ADAMTSL3: variants seen among roughly 807,000 people sequenced by gnomAD.
ADAMTSL3 encodes the protein ADAMTS like 3.
In ADAMTSL3, 128 loss-of-function variants were observed where a neutral mutation model predicts 201.7. The observed-to-expected ratio is 0.63, with a 90% CI of 0.55 to 0.73. The LOEUF (loss-of-function observed/expected upper bound fraction) is 0.73, where lower values mean the gene tolerates loss of function less well. ADAMTSL3 is among the 30% of genes least tolerant of loss of function. The probability of loss-of-function intolerance (pLI) is 0.00; values close to 1 mark genes in which losing one functional copy is unlikely to be tolerated. For missense variants in ADAMTSL3, 1,990 were observed against 2,119.6 expected (o/e 0.94, Z 1.20); for synonymous variants, 738 against 748.4 (o/e 0.99, Z 0.23).
intron 21 of ADAMTSL3, 57 bp downstream of exon 21, chr15:83,983,401 C>A (rs2067424693): frequency 8.3e-7 from 1 of 1,203,554 alleles, no homozygotes; most frequent in African/African-American, 1.6e-5. Context: ...ATGGCTATTC[C>A]AGTTTTCTTG....
chr15:83,771,905 G>C (rs1411568129), intron 3 of ADAMTSL3, among the ~76,000 whole-genome samples: 2 of 150,266 alleles, frequency 1.3e-5, no homozygotes, highest in Admixed American at 6.6e-5. Flanking sequence ...CACCCAGCCT[G>C]GAGTGCAGTG....
chr15:83,655,583 T>A (rs1253829126), intron 1 of ADAMTSL3, 146 bp from the exon 2 acceptor site: 1 of 617,368 alleles, frequency 1.6e-6, no homozygotes, highest in Admixed American at 2.9e-5. Context: ...CACCCTGCAG[T>A]AGGCAGCGGC....
Position 83,851,618 on chromosome 15 carries a change from T to C in ADAMTSL3, c.728-7148T>C, listed in dbSNP as rs138611609. Among the ~76,000 whole-genome samples, 5 of 152,278 alleles carry C rather than the reference T, an allele frequency of 3.3e-5. No individual in the cohort carries two copies. The East Asian group carries it at 9.6e-4, about 29-fold the overall frequency. On this transcript the variant is annotated intron_variant, in intron 7 of 29. Coordinates refer to ENST00000286744, the MANE Select transcript of ADAMTSL3 (RefSeq NM_207517.3). ...TTTTTATTACATATATAATATGCTG[T>C]ATATGTGTTGTAAAAAAAATCCAGA...
At chr15:83,911,419 T>C (rs11259934) in intron 15 of ADAMTSL3, among the ~76,000 whole-genome samples, 95,387 of 152,100 alleles carry the variant, frequency 0.63, 31,006 homozygotes, top group African/African-American at 0.79. Context: ...TACCTAAACC[T>C]ATGTCCTTTT....
intron 6 of ADAMTSL3, among the ~76,000 whole-genome samples, chr15:83,837,116 A>C (rs966561601): frequency 4.6e-5 from 7 of 152,172 alleles, no homozygotes; most frequent in African/African-American, 1.7e-4. Context: ...GAAGGATAGC[A>C]GTATAAACAC....
intron 4 of ADAMTSL3, among the ~76,000 whole-genome samples, chr15:83,793,668 G>C (rs780813747): frequency 6.6e-6 from 1 of 152,050 alleles, no homozygotes; most frequent in Non-Finnish European, 1.5e-5. Context: ...GTAGAGATGG[G>C]GTTTCACCAT....
intron 3 of ADAMTSL3, among the ~76,000 whole-genome samples, chr15:83,759,784 G>A (rs1009671206): frequency 6.6e-6 from 1 of 152,120 alleles, no homozygotes; most frequent in African/African-American, 2.4e-5. Flanking sequence ...CCTTAGGGCA[G>A]CTTGGCCTAC....
intron 2 of ADAMTSL3, among the ~76,000 whole-genome samples, chr15:83,685,288 T>A (rs972257991): frequency 1.8e-4 from 27 of 152,210 alleles, no homozygotes; most frequent in Non-Finnish European, 3.1e-4. Flanking sequence ...CTGTTTTTTT[T>A]ATCTTTAATG....
chr15:83,679,213 A>T (rs1389272684), intron 2 of ADAMTSL3, among the ~76,000 whole-genome samples: 2 of 151,916 alleles, frequency 1.3e-5, no homozygotes, highest in Non-Finnish European at 2.9e-5. Context: ...TATTTCTTTT[A>T]TGAGATTTTC....
intron 5 of ADAMTSL3, among the ~76,000 whole-genome samples, chr15:83,819,039 G>A (rs1420577961): frequency 2.0e-5 from 3 of 152,086 alleles, no homozygotes; most frequent in South Asian, 2.1e-4. Flanking sequence ...TTGGGAGGCC[G>A]ACACAGGTGG....
chr15:83,676,339 T>C (rs1232747143), intron 2 of ADAMTSL3, among the ~76,000 whole-genome samples: 1 of 152,200 alleles, frequency 6.6e-6, no homozygotes, highest in East Asian at 1.9e-4. Flanking sequence ...CTTTGTGCTA[T>C]GTTCTCAATG....
At chr15:83,950,789 A>G (rs1045805263) in intron 19 of ADAMTSL3, among the ~76,000 whole-genome samples, 5 of 150,448 alleles carry the variant, frequency 3.3e-5, no homozygotes, top group Admixed American at 2.6e-4. Context: ...TACTTTCTTG[A>G]TTTTTTTGAT....
intron 2 of ADAMTSL3, among the ~76,000 whole-genome samples, chr15:83,674,489 C>T (rs1291815225): frequency 2.0e-5 from 3 of 151,594 alleles, no homozygotes; most frequent in Non-Finnish European, 2.9e-5. Context: ...TCTATTTGTC[C>T]TACTGTGTCA....
At chr15:83,881,340 C>CTCTAGTGT (rs2065266964) in intron 9 of ADAMTSL3, among the ~76,000 whole-genome samples, 1 of 152,212 alleles carries the variant, frequency 6.6e-6, no homozygotes, top group African/African-American at 2.4e-5. Context: ...AGGCCTTGAG[C>CTCTAGTGT]TCTAGTGTTC....
intron 19 of ADAMTSL3, among the ~76,000 whole-genome samples, chr15:83,954,845 C>G (rs1034414478): frequency 1.3e-5 from 2 of 152,242 alleles, no homozygotes; most frequent in African/African-American, 2.4e-5. Context: ...CTGCCTCTGT[C>G]TCTGTCTCTC....
chr15:83,902,753 G>A (rs1052851973), intron 15 of ADAMTSL3, among the ~76,000 whole-genome samples: 1 of 151,928 alleles, frequency 6.6e-6, no homozygotes. Flanking sequence ...ACTGACTTGC[G>A]GGCTGTTTCT....
At chr15:83,659,922 G>T (rs1438040469) in intron 2 of ADAMTSL3, among the ~76,000 whole-genome samples, 1 of 152,202 alleles carries the variant, frequency 6.6e-6, no homozygotes, top group Non-Finnish European at 1.5e-5. Flanking sequence ...ACTGGCTGTA[G>T]TGACACCTTG....
intron 3 of ADAMTSL3, among the ~76,000 whole-genome samples, chr15:83,716,851 C>T (rs1208382068): frequency 6.6e-6 from 1 of 152,150 alleles, no homozygotes; most frequent in Admixed American, 6.5e-5. Flanking sequence ...GAATCCTTCT[C>T]TTAATCCCTT....
intron 7 of ADAMTSL3, among the ~76,000 whole-genome samples, chr15:83,845,342 A>G (rs1274516628): frequency 1.3e-5 from 2 of 152,252 alleles, no homozygotes; most frequent in Non-Finnish European, 2.9e-5. Flanking sequence ...AGTACTGAAC[A>G]CATCCTAGGA....
Sources: gnomAD v4.1 joint callset for allele counts (sites outside exome capture counted in the v4.1 genomes callset) on GRCh38, gnomAD v4.1.1 for gene constraint, MANE v1.5 for transcripts, NCBI Gene and HGNC (gene_info 2026-07-23, HGNC 2026-07-21) for gene names.